The following DGKB variants were observed in gnomAD, a reference collection of about 807,000 sequenced individuals.
DGKB encodes the protein 90 kDa diacylglycerol kinase.
In DGKB, 67 loss-of-function variants were observed where a neutral mutation model predicts 114.3. The observed-to-expected ratio is 0.59, with a 90% CI of 0.48 to 0.72. The LOEUF is 0.72. DGKB is among the 30% of genes least tolerant of loss of function. The pLI is 0.00. For missense variants in DGKB, 907 were observed against 975.2 expected, an observed-to-expected ratio of 0.93 and a Z score of 0.93; for synonymous variants, 398 against 323.1, an observed-to-expected ratio of 1.23 and a Z score of -2.49.
intron 23 of DGKB, among the ~76,000 whole-genome samples, chr7:14,195,982 G>A (rs954593517): frequency 6.6e-6 from 1 of 152,142 alleles, no homozygotes; most frequent in Admixed American, 6.6e-5. Flanking sequence ...TAGGCGACAT[G>A]TCTAAATAGA....
At chr7:14,851,108 T>C (rs1409609800) in intron 1 of DGKB, among the ~76,000 whole-genome samples, 1 of 152,146 alleles carries the variant, frequency 6.6e-6, no homozygotes, top group Non-Finnish European at 1.5e-5. Flanking sequence ...GAATTGAAAT[T>C]GGACATATAT....
chr7:14,881,968 G>T (rs1854298183), intron 1 of DGKB, among the ~76,000 whole-genome samples: 1 of 151,778 alleles, frequency 6.6e-6, no homozygotes, highest in African/African-American at 2.4e-5. Context: ...TTTTTAATCA[G>T]TCCTGCTATT....
chr7:14,538,155 A>G (rs970034947), intron 20 of DGKB, among the ~76,000 whole-genome samples: 1 of 151,868 alleles, frequency 6.6e-6, no homozygotes, highest in African/African-American at 2.4e-5. Context: ...ACAAAGAAAC[A>G]AGCAACAAAA....
rs144218995 is a variant in DGKB, at chr7:14,485,872, C to A, written c.1771-7647G>T. ...CGCCATTGCACTCTGGCCTGGGTAACAAGAATAAAACTCCATCTCAAAAAA... is the reference window on the plus strand; with the variant it reads ...CGCCATTGCACTCTGGCCTGGGTAAAAAGAATAAAACTCCATCTCAAAAAA... On this transcript the variant is annotated intron_variant, in intron 20 of 25. Coordinates refer to ENST00000402815, the MANE Select transcript of DGKB (RefSeq NM_001350709.2). Among the ~76,000 whole-genome samples, 1,116 of 131,664 alleles carry A rather than the reference C, an allele frequency of 8.5e-3. 11 individuals carry two copies. The highest frequency in any genetic ancestry group is 0.03 in the African/African-American group (1,042 of 35,308). 86.4% of individuals were successfully genotyped at this position (131,664 alleles called of 152,430 possible). A position where few individuals can be genotyped will look rare whatever the true frequency, so the allele number is the denominator to read the frequency against.
At chr7:14,484,294 G>C (rs759850356) in intron 20 of DGKB, among the ~76,000 whole-genome samples, 1 of 152,082 alleles carries the variant, frequency 6.6e-6, no homozygotes, top group Non-Finnish European at 1.5e-5. Context: ...TGAAAAGAAG[G>C]ATTTATTTTA....
chr7:14,659,660 C>A (rs912907085), intron 13 of DGKB, among the ~76,000 whole-genome samples: 2 of 148,194 alleles, frequency 1.3e-5, no homozygotes, highest in Non-Finnish European at 3.0e-5. Context: ...TCTAGATATA[C>A]AATCATGTCG....
chr7:14,962,816 T>C (rs1208532362), intron 1 of DGKB, among the ~76,000 whole-genome samples: 2 of 152,006 alleles, frequency 1.3e-5, no homozygotes, highest in Non-Finnish European at 2.9e-5. Context: ...CAGCTACTAA[T>C]GTATAAGCTA....
At chr7:14,856,484 ATAG>A (rs1196393463) in intron 1 of DGKB, among the ~76,000 whole-genome samples, 3 of 152,128 alleles carry the variant, frequency 2.0e-5, no homozygotes, top group African/African-American at 7.2e-5. Flanking sequence ...TGAAATATAT[ATAG>A]TATCCACACA....
chr7:14,863,786 T>G (rs1191684046), intron 1 of DGKB, among the ~76,000 whole-genome samples: 2 of 151,990 alleles, frequency 1.3e-5, no homozygotes, highest in East Asian at 3.9e-4. Context: ...GCAGTATATG[T>G]TAAATTAAAA....
chr7:14,960,293 T>C (rs929023194), intron 1 of DGKB, among the ~76,000 whole-genome samples: 12 of 152,046 alleles, frequency 7.9e-5, no homozygotes, highest in African/African-American at 2.9e-4. Flanking sequence ...GCTTGGAAAA[T>C]TGTGATCTAT....
chr7:14,343,764 G>GT (rs1044960418), intron 22 of DGKB, among the ~76,000 whole-genome samples: 15 of 150,248 alleles, frequency 1.0e-4, no homozygotes, highest in African/African-American at 3.6e-4. Context: ...ATATAAAGCA[G>GT]TTTTTTTAAA....
intron 12 of DGKB, among the ~76,000 whole-genome samples, chr7:14,673,399 GC>G (rs1482045245): frequency 3.4e-5 from 3 of 87,918 alleles, no homozygotes; most frequent in Non-Finnish European, 6.7e-5. Flanking sequence ...GCCTGTGTAT[GC>G]TTTTTTTTTT....
intron 25 of DGKB, among the ~76,000 whole-genome samples, chr7:14,161,608 T>C (rs988338655): frequency 1.3e-5 from 2 of 151,822 alleles, no homozygotes; most frequent in African/African-American, 4.8e-5. Flanking sequence ...TAATTCAGAA[T>C]TGAACAATGA....
intron 19 of DGKB, among the ~76,000 whole-genome samples, chr7:14,575,132 A>G (rs1798935990): frequency 6.6e-6 from 1 of 152,196 alleles, no homozygotes; most frequent in African/African-American, 2.4e-5. Context: ...GTTTAAAACA[A>G]TAAAATTAAA....
chr7:14,782,631 G>C (rs114120531), intron 2 of DGKB, among the ~76,000 whole-genome samples: 1 of 152,230 alleles, frequency 6.6e-6, no homozygotes, highest in African/African-American at 2.4e-5. Context: ...AATTGTAATA[G>C]AGAATTACAG....
chr7:14,383,110 A>C (rs958697750), intron 21 of DGKB, among the ~76,000 whole-genome samples: 1 of 152,188 alleles, frequency 6.6e-6, no homozygotes, highest in Non-Finnish European at 1.5e-5. Flanking sequence ...ACAAGGTACA[A>C]CTGGAATACT....
At chr7:14,852,570 G>A (rs1479035686) in intron 1 of DGKB, among the ~76,000 whole-genome samples, 1 of 143,456 alleles carries the variant, frequency 7.0e-6, no homozygotes, top group African/African-American at 2.6e-5. Context: ...CCATTTTGTA[G>A]GACATGTTTT....
chr7:14,908,764 T>G (rs1783837777), intron 1 of DGKB, among the ~76,000 whole-genome samples: 2 of 152,242 alleles, frequency 1.3e-5, no homozygotes, highest in African/African-American at 2.4e-5. Flanking sequence ...GTGGAAAAAT[T>G]TGTAACAGTA....
At chr7:14,157,109 A>G (rs1486724980) in intron 25 of DGKB, among the ~76,000 whole-genome samples, 1 of 152,140 alleles carries the variant, frequency 6.6e-6, no homozygotes, top group Non-Finnish European at 1.5e-5. Context: ...CTACCTTAAA[A>G]ATGAATGGGG....
Sources: allele counts gnomAD v4.1 joint callset (sites outside exome capture counted in the v4.1 genomes callset), GRCh38; gene constraint gnomAD v4.1.1; transcripts MANE v1.5; gene names NCBI Gene and HGNC (gene_info 2026-07-23, HGNC 2026-07-21).